Variants in NAV2 observed in about 807,000 individuals in gnomAD.
The protein encoded by NAV2 is helicase, APC down-regulated 1.
Under a neutral mutation model 223.2 loss-of-function variants are expected in NAV2, and 54 were observed. The observed-to-expected ratio is 0.24, with a 90% confidence interval of 0.19 to 0.30. NAV2 has a LOEUF of 0.30. Among genes scored for constraint, NAV2 ranks in the 10% least tolerant of loss-of-function variants. NAV2 has a pLI of 1.00. For synonymous variants in NAV2, 1,279 were observed against 1,239.3 expected (o/e 1.03, Z -0.67); for missense variants, 2,806 against 3,147.5 (o/e 0.89, Z 2.60).
intron 1 of NAV2, among the ~76,000 whole-genome samples, chr11:19,353,791 G>T (rs962959765): frequency 2.6e-5 from 4 of 152,050 alleles, no homozygotes; most frequent in African/African-American, 9.7e-5. Context: ...TGTTATAGAA[G>T]AATACAGAAT....
At chr11:19,357,417 T>C (rs1853681840) in intron 1 of NAV2, among the ~76,000 whole-genome samples, 1 of 152,204 alleles carries the variant, frequency 6.6e-6, no homozygotes, top group Non-Finnish European at 1.5e-5. Flanking sequence ...TCCATTTTCA[T>C]TATGAAAATT....
intron 6 of NAV2, among the ~76,000 whole-genome samples, chr11:19,922,608 G>A (rs2044373934): frequency 6.6e-6 from 1 of 152,168 alleles, no homozygotes; most frequent in Admixed American, 6.5e-5. Flanking sequence ...AGCCAGGGAA[G>A]CTATGTTACT....
At chr11:19,522,864 C>T (rs1406788711) in intron 1 of NAV2, among the ~76,000 whole-genome samples, 1 of 152,236 alleles carries the variant, frequency 6.6e-6, no homozygotes, top group Non-Finnish European at 1.5e-5. Context: ...CTGCCTAGAG[C>T]TCAGCGTCCT....
At chr11:20,077,902 C>T in intron 23 of NAV2, 91 bp from the exon 24 acceptor site, 1 of 995,348 alleles carries the variant, frequency 1.0e-6, no homozygotes, top group Non-Finnish European at 1.5e-6. Flanking sequence ...TACTTCATTC[C>T]CGCTCCTCCT....
chr11:19,882,813 G>A (rs998673992), intron 5 of NAV2, among the ~76,000 whole-genome samples: 1 of 152,146 alleles, frequency 6.6e-6, no homozygotes, highest in Non-Finnish European at 1.5e-5. Context: ...GACATAGACC[G>A]GGCTTTGGAG....
At chr11:19,419,062 T>C (rs1850502153) in intron 1 of NAV2, among the ~76,000 whole-genome samples, 1 of 152,144 alleles carries the variant, frequency 6.6e-6, no homozygotes, top group Non-Finnish European at 1.5e-5. Flanking sequence ...TGATGAGATG[T>C]ATGCCTTGAG....
chr11:19,832,826 G>C (rs1379910881), intron 2 of NAV2, among the ~76,000 whole-genome samples: 2 of 152,186 alleles, frequency 1.3e-5, no homozygotes, highest in African/African-American at 2.4e-5. Context: ...GATTCTCTTA[G>C]AAGAAAGGCT....
chr11:19,749,496 G>A (rs1486222102), intron 1 of NAV2, among the ~76,000 whole-genome samples: 5 of 152,200 alleles, frequency 3.3e-5, no homozygotes, highest in South Asian at 4.1e-4. Flanking sequence ...TTTAGATTCA[G>A]TCAGAATGAA....
At chr11:19,939,888 T>A in intron 8 of NAV2, 115 bp downstream of exon 8, 1 of 604,278 alleles carries the variant, frequency 1.7e-6, no homozygotes, top group South Asian at 2.7e-5. Flanking sequence ...TTGCATTGAC[T>A]TTGAGCTAAA....
chr11:19,569,776 C>G (rs1273744183), intron 1 of NAV2, among the ~76,000 whole-genome samples: 2 of 152,110 alleles, frequency 1.3e-5, no homozygotes. Context: ...TGTGATGCTC[C>G]CTGGGGAGGG....
intron 1 of NAV2, among the ~76,000 whole-genome samples, chr11:19,358,927 G>A (rs1327238327): frequency 6.6e-6 from 1 of 152,208 alleles, no homozygotes; most frequent in Non-Finnish European, 1.5e-5. Context: ...CCTCACATGT[G>A]TAAATCTATA....
At chr11:19,509,981 G>A (rs1200621243) in intron 1 of NAV2, among the ~76,000 whole-genome samples, 1 of 152,164 alleles carries the variant, frequency 6.6e-6, no homozygotes, top group Non-Finnish European at 1.5e-5. Flanking sequence ...TTTTCCAGGA[G>A]GATCTATCAA....
At chr11:19,466,984 TACACACACACAC>T in intron 1 of NAV2, among the ~76,000 whole-genome samples, 1 of 125,202 alleles carries the variant, frequency 8.0e-6, no homozygotes, top group African/African-American at 3.1e-5. Context: ...TCTCTCTCTC[TACACACACACAC>T]ACACACACAC....
At chr11:19,692,128 A>G (rs550942539) in intron 1 of NAV2, among the ~76,000 whole-genome samples, 27 of 152,306 alleles carry the variant, frequency 1.8e-4, no homozygotes, top group East Asian at 3.9e-4. Context: ...AAATACATCA[A>G]TGGGATCCAT....
intron 1 of NAV2, among the ~76,000 whole-genome samples, chr11:19,749,174 A>G (rs893761949): frequency 1.3e-5 from 2 of 152,312 alleles, no homozygotes; most frequent in South Asian, 4.1e-4. Context: ...ATAAGCTTAA[A>G]GGTTACTGTT....
At chr11:19,460,451 G>A (rs1800941286) in intron 1 of NAV2, among the ~76,000 whole-genome samples, 1 of 152,044 alleles carries the variant, frequency 6.6e-6, no homozygotes, top group Non-Finnish European at 1.5e-5. Flanking sequence ...GCACATGGTG[G>A]GTGACCCCCA....
intron 1 of NAV2, among the ~76,000 whole-genome samples, chr11:19,816,271 G>A (rs2059085573): frequency 6.6e-6 from 1 of 152,192 alleles, no homozygotes; most frequent in East Asian, 1.9e-4. Context: ...CCTAGGGCCG[G>A]GCAGCGCCAG....
intron 11 of NAV2, among the ~76,000 whole-genome samples, chr11:20,034,274 G>A (rs2056107360): frequency 6.6e-6 from 1 of 151,442 alleles, no homozygotes; most frequent in African/African-American, 2.4e-5. Context: ...AGGTCAATTA[G>A]AGTAGTGTCA....
At chr11:20,097,769 C>A (rs200816813) in intron 31 of NAV2, 24 bp downstream of exon 31, 2 of 1,547,038 alleles carry the variant, frequency 1.3e-6, no homozygotes, top group South Asian at 2.5e-5. Flanking sequence ...TTGCAGAAGT[C>A]GGAGCTTTCA....
Sources: gnomAD v4.1 joint callset for allele counts (sites outside exome capture counted in the v4.1 genomes callset) on GRCh38, gnomAD v4.1.1 for gene constraint, MANE v1.5 for transcripts, NCBI Gene and HGNC (gene_info 2026-07-23, HGNC 2026-07-21) for gene names.